SLC24A4: variants seen among roughly 807,000 people sequenced by gnomAD.
SLC24A4 encodes the protein sodium/potassium/calcium exchanger 4.
In SLC24A4, 53 loss-of-function variants were observed where a neutral mutation model predicts 79.0. That is an observed-to-expected ratio of 0.67 (90% CI 0.54 to 0.84). The LOEUF is 0.84. Among genes scored for constraint, SLC24A4 ranks in the 40% least tolerant of loss-of-function variants. The pLI is 0.00. For missense variants in SLC24A4, 731 were observed against 822.0 expected, an observed-to-expected ratio of 0.89 and a Z score of 1.35; for synonymous variants, 323 against 323.8, an observed-to-expected ratio of 1.00 and a Z score of 0.03.
chr14:92,422,285 T>C (rs774125794), intron 2 of SLC24A4, among the ~76,000 whole-genome samples: 3 of 152,216 alleles, frequency 2.0e-5, no homozygotes, highest in Non-Finnish European at 4.4e-5. Flanking sequence ...TTCCAGTGCC[T>C]CGCTAGTGGA....
chr14:92,345,485 G>GAGGTCAGGAGTTCGAGACC (rs1886472986), intron 2 of SLC24A4, among the ~76,000 whole-genome samples: 1 of 152,204 alleles, frequency 6.6e-6, no homozygotes, highest in African/African-American at 2.4e-5. Flanking sequence ...CGGATCACTT[G>GAGGTCAGGAGTTCGAGACC]AGGTCAGGAG....
chr14:92,403,679 G>A (rs1890228957), intron 2 of SLC24A4, among the ~76,000 whole-genome samples: 1 of 151,972 alleles, frequency 6.6e-6, no homozygotes, highest in East Asian at 1.9e-4. Context: ...AGAAATCAGG[G>A]AGAATTGCCT....
In SLC24A4 at chr14:92,447,422, GAAGT is replaced by G; in HGVS notation, c.737+3_737+6del. 2 of 1,613,944 alleles carry G rather than the reference GAAGT, an allele frequency of 1.2e-6. No individual in the cohort carries two copies. The highest frequency in any genetic ancestry group is 4.5e-5 in the East Asian group (2 of 44,898). On this transcript the variant is annotated splice_donor_variant and coding_sequence_variant, in exon 9 of 17. Coordinates refer to ENST00000532405, the MANE Select transcript of SLC24A4 (RefSeq NM_153646.4). LOFTEE classifies it high-confidence loss of function. ...TGTATGTGTTTTATATTCTGATCAT[GAAGT>G]AAGTGCCCTTTCTCCTCCCCGGGGC...
chr14:92,324,175 T>TGGG (rs375734301), intron 1 of SLC24A4, among the ~76,000 whole-genome samples: 1 of 152,090 alleles, frequency 6.6e-6, no homozygotes, highest in African/African-American at 2.4e-5. Flanking sequence ...GAGCGGCCCC[T>TGGG]GGGGGGGCTC....
chr14:92,477,079 C>T (rs906903707), intron 12 of SLC24A4, among the ~76,000 whole-genome samples: 4 of 152,136 alleles, frequency 2.6e-5, no homozygotes, highest in African/African-American at 9.7e-5. Flanking sequence ...TGTAGAATTT[C>T]TGGGTCAAAC....
intron 2 of SLC24A4, among the ~76,000 whole-genome samples, chr14:92,385,017 G>A (rs1889070462): frequency 6.6e-6 from 1 of 152,200 alleles, no homozygotes; most frequent in South Asian, 2.1e-4. Flanking sequence ...AGGGAGTTCT[G>A]AGGAATAAAT....
At chr14:92,389,972 C>G (rs1889374116) in intron 2 of SLC24A4, among the ~76,000 whole-genome samples, 1 of 152,220 alleles carries the variant, frequency 6.6e-6, no homozygotes, top group East Asian at 1.9e-4. Context: ...TGCGCCTCTT[C>G]TGCTCAGTTC....
At chr14:92,466,730 G>A (rs1159435343) in intron 12 of SLC24A4, among the ~76,000 whole-genome samples, 6 of 152,074 alleles carry the variant, frequency 3.9e-5, no homozygotes, top group African/African-American at 1.4e-4. Context: ...AGTAGCAGAG[G>A]GACTTCCATG....
At chr14:92,394,852 G>A (rs1321243485) in intron 2 of SLC24A4, among the ~76,000 whole-genome samples, 3 of 152,188 alleles carry the variant, frequency 2.0e-5, no homozygotes. Context: ...TTAATGGTGT[G>A]TAGAGCAGGA....
chr14:92,397,814 G>A (rs1889862500), intron 2 of SLC24A4, among the ~76,000 whole-genome samples: 1 of 152,222 alleles, frequency 6.6e-6, no homozygotes, highest in African/African-American at 2.4e-5. Context: ...AGCCCACCTG[G>A]CAGAGGGGCT....
chr14:92,327,813 C>T (rs1166873562), intron 2 of SLC24A4, among the ~76,000 whole-genome samples: 2 of 152,198 alleles, frequency 1.3e-5, no homozygotes, highest in Non-Finnish European at 2.9e-5. Flanking sequence ...ACAGGAAGGC[C>T]TCACCTTGTC....
At chr14:92,486,513 T>TTTTG (rs1566804739) in intron 13 of SLC24A4, among the ~76,000 whole-genome samples, 153 bp from the exon 14 acceptor site, 1 of 152,160 alleles carries the variant, frequency 6.6e-6, no homozygotes, top group East Asian at 1.9e-4. Context: ...GTGGGGGTTT[T>TTTTG]TTTTGTTTTG....
intron 2 of SLC24A4, among the ~76,000 whole-genome samples, chr14:92,366,366 C>T (rs941520659): frequency 4.6e-5 from 7 of 152,180 alleles, no homozygotes; most frequent in African/African-American, 1.7e-4. Flanking sequence ...AATGTGACAG[C>T]CAGATGCTTG....
chr14:92,405,092 G>T (rs1272939846), intron 2 of SLC24A4, among the ~76,000 whole-genome samples: 1 of 152,156 alleles, frequency 6.6e-6, no homozygotes, highest in East Asian at 1.9e-4. Flanking sequence ...GACTGCCTGG[G>T]TACAAACCCC....
chr14:92,358,842 G>A (rs375725036), intron 2 of SLC24A4, among the ~76,000 whole-genome samples: 26 of 151,654 alleles, frequency 1.7e-4, no homozygotes, highest in Admixed American at 1.4e-3. Flanking sequence ...TCACCACCAC[G>A]TCATTTAATT....
chr14:92,359,442 A>G (rs1268039250), intron 2 of SLC24A4, among the ~76,000 whole-genome samples: 1 of 152,032 alleles, frequency 6.6e-6, no homozygotes, highest in Non-Finnish European at 1.5e-5. Flanking sequence ...AAAATAATGA[A>G]AAAAGAATTA....
At chr14:92,338,493 T>C (rs1293845737) in intron 2 of SLC24A4, among the ~76,000 whole-genome samples, 1 of 152,198 alleles carries the variant, frequency 6.6e-6, no homozygotes, top group Admixed American at 6.5e-5. Context: ...TTGGCTAATG[T>C]GGTTGATGCA....
chr14:92,422,999 C>T (rs1044584418), intron 2 of SLC24A4, among the ~76,000 whole-genome samples: 2 of 152,154 alleles, frequency 1.3e-5, no homozygotes, highest in African/African-American at 4.8e-5. Context: ...TTTTAAGAGA[C>T]AGGCTTTTGC....
intron 2 of SLC24A4, among the ~76,000 whole-genome samples, chr14:92,380,518 G>A (rs969000337): frequency 3.9e-5 from 6 of 152,210 alleles, no homozygotes; most frequent in African/African-American, 4.8e-5. Flanking sequence ...GCCTCAGCCC[G>A]CACTAAATGG....
Sources: allele counts gnomAD v4.1 joint callset (sites outside exome capture counted in the v4.1 genomes callset), GRCh38; gene constraint gnomAD v4.1.1; transcripts MANE v1.5; gene names NCBI Gene and HGNC (gene_info 2026-07-23, HGNC 2026-07-21).